Variants in GALNT18 observed in about 807,000 individuals in gnomAD.
GALNT18 encodes the protein polypeptide N-acetylgalactosaminyltransferase 18.
In GALNT18, 44 loss-of-function variants were observed where a neutral mutation model predicts 69.5. The observed-to-expected ratio is 0.63, with a 90% CI of 0.50 to 0.81. The LOEUF (loss-of-function observed/expected upper bound fraction) is 0.81. Ranked by LOEUF, GALNT18 falls within the 40% of genes least tolerant of loss-of-function variation. GALNT18 has a pLI of 0.00. For missense variants in GALNT18, 715 were observed against 810.0 expected, an observed-to-expected ratio of 0.88 and a Z score of 1.42; for synonymous variants, 364 against 318.2, an observed-to-expected ratio of 1.14 and a Z score of -1.53.
chr11:11,412,338 C>G (rs1854750358), intron 3 of GALNT18, among the ~76,000 whole-genome samples: 1 of 152,200 alleles, frequency 6.6e-6, no homozygotes, highest in African/African-American at 2.4e-5. Context: ...TGGAACCTTA[C>G]CCTTGGTCCC....
intron 3 of GALNT18, among the ~76,000 whole-genome samples, chr11:11,414,255 A>C (rs984406864): frequency 6.6e-6 from 1 of 152,250 alleles, no homozygotes; most frequent in African/African-American, 2.4e-5. Context: ...GAGAGCTTCA[A>C]AAATGCCCAT....
chr11:11,580,381 G>A (rs754904325), intron 1 of GALNT18, among the ~76,000 whole-genome samples: 7 of 152,206 alleles, frequency 4.6e-5, no homozygotes, highest in South Asian at 4.2e-4. Flanking sequence ...TCCTAAGACC[G>A]TCCCTGAGAT....
rs569872533 is a variant in GALNT18 at position 11,566,014 on chromosome 11, G to C, written c.235+55345C>G. ...AGCTGGGACCTTACAGGGAATTGAT[G>C]AGAGATATGGATGGAGCATGCAGAA... is the stretch of plus-strand genomic sequence containing the variant. On this transcript the variant is annotated intron_variant, in intron 1 of 10. Coordinates refer to ENST00000227756, the MANE Select transcript of GALNT18 (RefSeq NM_198516.3). Among the ~76,000 whole-genome samples the C allele has an allele frequency of 9.2e-5, 14 of 152,320 alleles. No homozygotes were observed. The South Asian group carries it at 2.9e-3, about 32-fold the overall frequency.
chr11:11,418,696 T>C (rs1589985072), intron 3 of GALNT18, among the ~76,000 whole-genome samples: 5 of 152,294 alleles, frequency 3.3e-5, no homozygotes, highest in Admixed American at 3.3e-4. Context: ...CTCATCGGTC[T>C]TTGGATTGGT....
chr11:11,328,410 T>C (rs1273038419), intron 8 of GALNT18, among the ~76,000 whole-genome samples: 2 of 152,152 alleles, frequency 1.3e-5, no homozygotes. Flanking sequence ...GCTATCTATC[T>C]GCGGGGAGGC....
At chr11:11,498,553 C>A (rs932214298) in intron 1 of GALNT18, among the ~76,000 whole-genome samples, 1 of 152,242 alleles carries the variant, frequency 6.6e-6, no homozygotes, top group African/African-American at 2.4e-5. Flanking sequence ...AATCCCAACA[C>A]TTTGGGAGGC....
At chr11:11,599,010 GT>G (rs1828914065) in intron 1 of GALNT18, among the ~76,000 whole-genome samples, 2 of 151,978 alleles carry the variant, frequency 1.3e-5, no homozygotes, top group Non-Finnish European at 2.9e-5. Context: ...TTATGGCCTA[GT>G]GTATGGTGTA....
rs1364786712 is a variant in GALNT18 at position 11,540,866 on chromosome 11, T to C, written c.235+80493A>G. On this transcript the variant is annotated intron_variant, in intron 1 of 10. Transcript: ENST00000227756. This position sits in a 1 kb window ranked among gnomAD's most constrained non-coding sequence, Gnocchi z 4.6. Reference sequence around the variant, plus strand: ...TAGATATGGTGGTGGTGCTGTCTATTCAGACACTGGGTTGTCAGAAGGAAA... The same window carrying C: ...TAGATATGGTGGTGGTGCTGTCTATCCAGACACTGGGTTGTCAGAAGGAAA... Among the ~76,000 whole-genome samples the C allele has an allele frequency of 3.3e-5, 5 of 152,214 alleles. No homozygotes were observed. The highest frequency in any genetic ancestry group is 5.9e-5 in the Non-Finnish European group (4 of 68,034).
intron 10 of GALNT18, among the ~76,000 whole-genome samples, chr11:11,277,396 C>G (rs1435690180): frequency 6.6e-6 from 1 of 151,764 alleles, no homozygotes; most frequent in African/African-American, 2.4e-5. Flanking sequence ...TGATTCTTCT[C>G]TTTTTTTTGT....
rs536232967 is a variant in GALNT18 at position 11,352,071 on chromosome 11, T to C, written c.1093-11067A>G. On this transcript the variant is annotated intron_variant, in intron 6 of 10. Coordinates refer to ENST00000227756, the MANE Select transcript of GALNT18 (RefSeq NM_198516.3). ...CACTGAAGAAATCCCTGACATCACA[T>C]TGGCGCTGCTGACGGGCGTACTGCC... 1.1e-4 allele frequency: 178 copies of C among 1,613,678 alleles called. No homozygotes were observed. The East Asian group carries it at 3.5e-3, about 32-fold the overall frequency.
At position 11,618,211 on chromosome 11, in the gene GALNT18, A is replaced by G. The variant is rs1268352216; in HGVS notation, c.235+3148T>C. Among the ~76,000 whole-genome samples, 3 of 152,214 alleles carry G rather than the reference A, an allele frequency of 2.0e-5. No individual in the cohort carries two copies. Among genetic ancestry groups the G allele is most frequent in the Non-Finnish European group, 4.4e-5 (3 of 68,032 alleles). ...ACATTTTGTGACATTTGCAGCTTCA[A>G]GGAGACTTTCCTTCTAACAAAAAGA... On this transcript the variant is annotated intron_variant, in intron 1 of 10. Coordinates refer to ENST00000227756, the MANE Select transcript of GALNT18 (RefSeq NM_198516.3). This position sits in a 1 kb window ranked among gnomAD's most constrained non-coding sequence, Gnocchi z 6.1.
At chr11:11,607,372 G>C (rs1453794456) in intron 1 of GALNT18, among the ~76,000 whole-genome samples, 1 of 152,176 alleles carries the variant, frequency 6.6e-6, no homozygotes, top group African/African-American at 2.4e-5. Flanking sequence ...GGAAGTTTCA[G>C]AATGATTTGC....
rs1009341393 is a variant in GALNT18 at position 11,496,184 on chromosome 11, C to T, written c.236-47248G>A. On this transcript the variant is annotated intron_variant, in intron 1 of 10. Transcript: ENST00000227756. The surrounding 1 kb of genome is among the most constrained non-coding windows in gnomAD (Gnocchi z 4.0). ...GAAAGCGTCTCTTGCAAACACTTCT[C>T]CACTAACTTAAAGGGCTGGTTTAGA... is the stretch of plus-strand genomic sequence containing the variant. Among the ~76,000 whole-genome samples the T allele has an allele frequency of 5.9e-5, 9 of 152,228 alleles. No individual in the cohort carries two copies. The highest frequency in any genetic ancestry group is 2.2e-4 in the African/African-American group (9 of 41,462).
rs190730426 is a variant in GALNT18, at chr11:11,354,697, C to T, written c.1093-13693G>A. ...TCACTATTGCTATACCACAGCTTTT[C>T]GGGACAGGGGAAAACACACTACATT... On this transcript the variant is annotated intron_variant, in intron 6 of 10. Transcript: ENST00000227756. 1.3e-3 allele frequency among the ~76,000 whole-genome samples: 197 copies of T among 152,224 alleles called. 2 individuals are homozygous for T. Among genetic ancestry groups the T allele is most frequent in the Non-Finnish European group, 2.1e-3 (145 of 68,014 alleles).
chr11:11,368,574 G>T (rs1383984822), intron 6 of GALNT18, among the ~76,000 whole-genome samples: 4 of 151,992 alleles, frequency 2.6e-5, no homozygotes, highest in Non-Finnish European at 5.9e-5. Flanking sequence ...GATTTCTTTA[G>T]ATCTATTTTC....
chr11:11,577,574 A>C (rs1469332999), intron 1 of GALNT18, among the ~76,000 whole-genome samples: 2 of 152,136 alleles, frequency 1.3e-5, no homozygotes, highest in East Asian at 3.9e-4. Context: ...CTCACCCCTA[A>C]ACAAGGGGGC....
rs773841452 is a variant in GALNT18, at chr11:11,332,739, C to A, written c.1371G>T (p.Val457=). Residue 457 remains valine (V), a synonymous_variant, in exon 8 of 11, where the codon GTG becomes GTT. Transcript: ENST00000227756. The surrounding 1 kb of genome is among the most constrained non-coding windows in gnomAD (Gnocchi z 4.3). ...CGGAGTACATCCTCATCTCTGGGTACACGCTGACCAGGTACCACCGGAAGG... is the reference window on the plus strand; with the variant it reads ...CGGAGTACATCCTCATCTCTGGGTAAACGCTGACCAGGTACCACCGGAAGG... The part of the protein sequence containing the change: ...CKTFRWYLVS[V]YPEMRMYSDI... 1.2e-6 allele frequency: 2 copies of A among 1,613,996 alleles called. No individual in the cohort carries two copies. Among genetic ancestry groups the A allele is most frequent in the African/African-American group, 2.7e-5 (2 of 74,898 alleles).
In GALNT18 at chr11:11,284,430, T is replaced by C. The variant is rs369709745; in HGVS notation, c.1677+8599A>G. The stretch of plus-strand genomic sequence containing the variant: ...TGCCTTTTAAAGTTCCCAGGTGCTG[T>C]TTCATTGGTGGTGGTGGTGGTCTGG... On this transcript the variant is annotated intron_variant, in intron 10 of 10. Coordinates refer to ENST00000227756, the MANE Select transcript of GALNT18 (RefSeq NM_198516.3). Among the ~76,000 whole-genome samples, 7 of 152,116 alleles carry C rather than the reference T, an allele frequency of 4.6e-5. No individual in the cohort carries two copies. The East Asian group carries it at 1.3e-3, about 29-fold the overall frequency.
intron 1 of GALNT18, among the ~76,000 whole-genome samples, chr11:11,518,257 T>C (rs1857323432): frequency 6.6e-6 from 1 of 152,240 alleles, no homozygotes; most frequent in Non-Finnish European, 1.5e-5. Flanking sequence ...CTGCATTTCA[T>C]GGCTGAAAAA....
Sources: gnomAD v4.1 joint callset for allele counts (sites outside exome capture counted in the v4.1 genomes callset) on GRCh38, gnomAD v4.1.1 for gene constraint, Gnocchi (gnomAD v3.1) non-coding constraint, MANE v1.5 for transcripts, NCBI Gene and HGNC (gene_info 2026-07-23, HGNC 2026-07-21) for gene names.